EYS: variants seen among roughly 807,000 people sequenced by gnomAD.
EYS encodes the protein EGF-like photoreceptor maintenance factor.
EYS carries 250 observed loss-of-function variants against 282.1 expected under a neutral mutation model. The observed-to-expected ratio is 0.89, with a 90% CI of 0.80 to 0.98. The LOEUF (loss-of-function observed/expected upper bound fraction) is 0.98, where lower values mean the gene tolerates loss of function less well. Ranked by LOEUF, EYS falls within the 50% of genes least tolerant of loss-of-function variation. EYS has a pLI of 0.00. For missense variants in EYS, 4,016 were observed against 3,709.0 expected, an observed-to-expected ratio of 1.08 and a Z score of -2.15; for synonymous variants, 1,355 against 1,282.9, an observed-to-expected ratio of 1.06 and a Z score of -1.20.
chr6:65,085,717 T>C (rs147692599), intron 12 of EYS, among the ~76,000 whole-genome samples: 2 of 152,280 alleles, frequency 1.3e-5, no homozygotes, highest in East Asian at 1.9e-4. Flanking sequence ...AGTTCAAGGC[T>C]TTCCATAGTG....
intron 12 of EYS, among the ~76,000 whole-genome samples, chr6:65,127,252 T>A (rs770937386): frequency 1.3e-5 from 2 of 152,158 alleles, no homozygotes; most frequent in Non-Finnish European, 2.9e-5. Context: ...AATTTTATAC[T>A]GTAATTTCCC....
At chr6:64,670,903 C>T (rs957713610) in intron 22 of EYS, among the ~76,000 whole-genome samples, 5 of 151,980 alleles carry the variant, frequency 3.3e-5, no homozygotes, top group African/African-American at 9.7e-5. Flanking sequence ...CTCCCTCCCC[C>T]ACCCTCCAAT....
intron 16 of EYS, among the ~76,000 whole-genome samples, chr6:64,904,214 C>G (rs528116731): frequency 6.6e-6 from 1 of 152,048 alleles, no homozygotes; most frequent in African/African-American, 2.4e-5. Context: ...GCTAGCAGAC[C>G]AGGTAGTCTT....
At chr6:65,475,278 T>G (rs912997818) in intron 5 of EYS, among the ~76,000 whole-genome samples, 1 of 152,122 alleles carries the variant, frequency 6.6e-6, no homozygotes, top group African/African-American at 2.4e-5. Context: ...TTCTTGGTTT[T>G]GGGTCATAAA....
At chr6:65,355,040 G>T (rs1416533455) in intron 8 of EYS, among the ~76,000 whole-genome samples, 1 of 151,958 alleles carries the variant, frequency 6.6e-6, no homozygotes. Context: ...TGTCTTTATT[G>T]GATTTGGGTC....
At chr6:65,317,514 T>C (rs1769325206) in intron 11 of EYS, among the ~76,000 whole-genome samples, 3 of 152,214 alleles carry the variant, frequency 2.0e-5, no homozygotes. Context: ...TTCTGTTATC[T>C]ATTGCTGTGA....
rs11418361 is a variant in EYS at position 63,774,899 on chromosome 6, TA to T, written c.7898+3106del. Among the ~76,000 whole-genome samples, 872 of 141,636 alleles carry T rather than the reference TA, an allele frequency of 6.2e-3. 8 individuals carry two copies. The highest frequency in any genetic ancestry group is 0.021 in the African/African-American group (819 of 38,996). 92.9% of individuals were successfully genotyped at this position (141,636 alleles called of 152,430 possible). ...ATTTAATTAAAGCATTTTATTTACC[TA>T]AAAAAAAAAAAAAAGACACCTACCA... is the stretch of plus-strand genomic sequence containing the variant. On this transcript the variant is annotated intron_variant, in intron 40 of 42. Transcript: ENST00000503581.
At chr6:64,301,504 TG>T (rs1769233297) in intron 30 of EYS, among the ~76,000 whole-genome samples, 1 of 152,218 alleles carries the variant, frequency 6.6e-6, no homozygotes, top group Admixed American at 6.5e-5. Context: ...ATGGGTTTTT[TG>T]CTCACATACC....
At chr6:64,030,139 G>T (rs565763226) in intron 33 of EYS, among the ~76,000 whole-genome samples, 33 of 152,094 alleles carry the variant, frequency 2.2e-4, no homozygotes, top group Non-Finnish European at 4.6e-4. Flanking sequence ...CAGAGAGACA[G>T]AAAGTCAAAG....
chr6:64,410,840 C>A (rs2150443357), intron 28 of EYS, among the ~76,000 whole-genome samples: 1 of 152,236 alleles, frequency 6.6e-6, no homozygotes. Flanking sequence ...GATAAACTTT[C>A]TGTGCACTGT....
intron 19 of EYS, among the ~76,000 whole-genome samples, chr6:64,829,599 A>T (rs547862538): frequency 1.3e-5 from 2 of 152,054 alleles, no homozygotes; most frequent in African/African-American, 4.8e-5. Flanking sequence ...ATAACGATAG[A>T]TCTGTTGGTT....
At chr6:65,088,310 C>T (rs966109303) in intron 12 of EYS, among the ~76,000 whole-genome samples, 7 of 152,076 alleles carry the variant, frequency 4.6e-5, no homozygotes, top group African/African-American at 1.7e-4. Flanking sequence ...CAAAAGAAGA[C>T]AGGAAGATGT....
At chr6:64,841,728 A>G (rs1765568762) in intron 19 of EYS, among the ~76,000 whole-genome samples, 1 of 152,146 alleles carries the variant, frequency 6.6e-6, no homozygotes, top group African/African-American at 2.4e-5. Context: ...GCACTATCAC[A>G]TTGGTAGTTT....
At chr6:64,221,878 AT>A (rs1446844770) in intron 31 of EYS, among the ~76,000 whole-genome samples, 1 of 152,024 alleles carries the variant, frequency 6.6e-6, no homozygotes, top group Non-Finnish European at 1.5e-5. Flanking sequence ...GCTTGGTATT[AT>A]TTGAGGTTTC....
chr6:65,189,537 T>C (rs1219559104), intron 12 of EYS, among the ~76,000 whole-genome samples: 1 of 151,700 alleles, frequency 6.6e-6, no homozygotes, highest in Admixed American at 6.6e-5. Context: ...CAGAAGACAA[T>C]AAAATAAAGC....
At chr6:65,024,928 G>A (rs1772359923) in intron 13 of EYS, among the ~76,000 whole-genome samples, 1 of 152,160 alleles carries the variant, frequency 6.6e-6, no homozygotes, top group African/African-American at 2.4e-5. Flanking sequence ...CAACTAGGGT[G>A]ATTAAGGGTA....
intron 12 of EYS, among the ~76,000 whole-genome samples, chr6:65,186,190 T>C (rs879140106): frequency 1.3e-5 from 2 of 151,772 alleles, no homozygotes; most frequent in Admixed American, 1.3e-4. Context: ...CCTGAAATTA[T>C]TTGAGAGAAC....
chr6:65,695,555 T>C (rs1451491273), intron 1 of EYS, among the ~76,000 whole-genome samples: 2 of 151,834 alleles, frequency 1.3e-5, no homozygotes, highest in East Asian at 1.9e-4. Context: ...TAGAAGTCAG[T>C]GAAGGAAAAA....
chr6:64,781,389 T>C (rs979480030), intron 22 of EYS, among the ~76,000 whole-genome samples: 2 of 151,964 alleles, frequency 1.3e-5, no homozygotes, highest in African/African-American at 4.8e-5. Flanking sequence ...TAACGATTAT[T>C]TATCAATCAA....
Sources: allele counts gnomAD v4.1 joint callset (sites outside exome capture counted in the v4.1 genomes callset), GRCh38; gene constraint gnomAD v4.1.1; transcripts MANE v1.5; gene names NCBI Gene and HGNC (gene_info 2026-07-23, HGNC 2026-07-21).